PTPRD: variants seen among roughly 807,000 people sequenced by gnomAD.
The protein encoded by PTPRD is receptor-type tyrosine-protein phosphatase delta.
In PTPRD, 34 loss-of-function variants were observed where a neutral mutation model predicts 214.5. The observed-to-expected ratio is 0.16, with a 90% confidence interval of 0.12 to 0.21. The LOEUF (loss-of-function observed/expected upper bound fraction) is 0.21. Ranked by LOEUF, PTPRD falls within the 10% of genes least tolerant of loss-of-function variation. The pLI, the probability that PTPRD is intolerant of heterozygous loss-of-function variation, is 1.00. For synonymous variants in PTPRD, 1,128 were observed against 845.7 expected (o/e 1.33, Z -5.79); for missense variants, 2,545 against 2,398.7 (o/e 1.06, Z -1.27).
In PTPRD at chr9:9,031,239, G is replaced by A. The variant is rs116487939; in HGVS notation, c.-142-12504C>T. On this transcript the variant is annotated intron_variant, in intron 10 of 45. Transcript: ENST00000381196. ...TATTACTAATGCCTGAAAGGTCCTT[G>A]GCACCTAGTAGACTGTCAAATCACA... Among the ~76,000 whole-genome samples, 166 of 151,582 alleles carry A rather than the reference G, an allele frequency of 1.1e-3. 1 individual carries two copies. Among genetic ancestry groups the A allele is most frequent in the African/African-American group, 3.6e-3 (147 of 41,378 alleles).
intron 5 of PTPRD, among the ~76,000 whole-genome samples, chr9:9,896,665 G>A (rs111317582): frequency 0.015 from 2,308 of 152,064 alleles, 59 homozygotes; most frequent in African/African-American, 0.052. Context: ...ATCAGTCTAA[G>A]AAGCTAACTG....
At chr9:9,726,126 A>G (rs2098086097) in intron 7 of PTPRD, among the ~76,000 whole-genome samples, 1 of 152,198 alleles carries the variant, frequency 6.6e-6, no homozygotes, top group South Asian at 2.1e-4. Flanking sequence ...GAACATTGAC[A>G]TTGCTATAAT....
rs532916022 is a variant in PTPRD, at chr9:8,561,409, AC to A, written c.353-32631del. 1.1e-3 allele frequency among the ~76,000 whole-genome samples: 165 copies of A among 151,944 alleles called. 1 individual carries two copies. Among genetic ancestry groups the A allele is most frequent in the African/African-American group, 3.7e-3 (152 of 41,418 alleles). On this transcript the variant is annotated intron_variant, in intron 14 of 45. Coordinates refer to ENST00000381196, the MANE Select transcript of PTPRD (RefSeq NM_002839.4). ...ATAAAATTCTTCTCTGCCCATCCTC[AC>A]CCTTCAACTGTCAGCCTACCCTCAT...
intron 5 of PTPRD, among the ~76,000 whole-genome samples, chr9:9,901,901 G>C (rs756946750): frequency 1.3e-5 from 2 of 152,136 alleles, no homozygotes; most frequent in African/African-American, 4.8e-5. Flanking sequence ...GATCTTGCGA[G>C]AACTCGCTCA....
intron 8 of PTPRD, among the ~76,000 whole-genome samples, chr9:9,437,985 A>C (rs2086004006): frequency 6.6e-6 from 1 of 152,178 alleles, no homozygotes; most frequent in South Asian, 2.1e-4. Flanking sequence ...GTTCCTTGCG[A>C]GGCCTGTGAA....
intron 11 of PTPRD, among the ~76,000 whole-genome samples, chr9:8,935,541 A>G (rs528326915): frequency 6.6e-6 from 1 of 152,248 alleles, no homozygotes; most frequent in South Asian, 2.1e-4. Flanking sequence ...ACCTTTTTTC[A>G]TGCCTTCACA....
intron 35 of PTPRD, among the ~76,000 whole-genome samples, chr9:8,432,480 C>T (rs1478106149): frequency 6.6e-6 from 1 of 152,132 alleles, no homozygotes; most frequent in Non-Finnish European, 1.5e-5. Flanking sequence ...ACAGCTTTCA[C>T]GCCTTTAACC....
intron 44 of PTPRD, among the ~76,000 whole-genome samples, chr9:8,322,772 A>G (rs1296439659): frequency 6.6e-6 from 1 of 152,198 alleles, no homozygotes; most frequent in African/African-American, 2.4e-5. Flanking sequence ...ACATCATTAT[A>G]TTGGAAGAAG....
intron 2 of PTPRD, among the ~76,000 whole-genome samples, chr9:10,410,253 G>GTATATATATA (rs34284610): frequency 0.14 from 17,350 of 126,652 alleles, 1,481 homozygotes; most frequent in Middle Eastern, 0.22. Context: ...CATATTTTGT[G>GTATATATATA]TATATATATA....
intron 2 of PTPRD, among the ~76,000 whole-genome samples, chr9:10,564,748 C>G (rs1432514305): frequency 1.3e-5 from 2 of 152,152 alleles, no homozygotes; most frequent in Admixed American, 1.3e-4. Flanking sequence ...GACTAATTTA[C>G]TGTATTAACT....
chr9:10,308,897 A>G (rs564825586), intron 3 of PTPRD, among the ~76,000 whole-genome samples: 2 of 152,182 alleles, frequency 1.3e-5, no homozygotes, highest in African/African-American at 4.8e-5. Context: ...CCAACTGTTT[A>G]CTATTATAAA....
chr9:9,352,742 C>T (rs1361998145), intron 9 of PTPRD, among the ~76,000 whole-genome samples: 1 of 151,852 alleles, frequency 6.6e-6, no homozygotes, highest in African/African-American at 2.4e-5. Flanking sequence ...GTACCATAGT[C>T]TCAGAACTAT....
In PTPRD at chr9:9,906,706, G is replaced by A. The variant is rs1011003991; in HGVS notation, c.-368+31801C>T. 2.6e-5 allele frequency among the ~76,000 whole-genome samples: 4 copies of A among 151,822 alleles called. No homozygotes were observed. The East Asian group carries it at 7.7e-4, about 29-fold the overall frequency. On this transcript the variant is annotated intron_variant, in intron 5 of 45. Coordinates refer to ENST00000381196, the MANE Select transcript of PTPRD (RefSeq NM_002839.4). ...ATGTATTATATGTAGACAATTCATA[G>A]GAAAGGAAAAACTCAGTATTTTTAA...
intron 2 of PTPRD, among the ~76,000 whole-genome samples, chr9:10,403,827 T>C (rs533828124): frequency 3.4e-4 from 51 of 151,778 alleles, no homozygotes; most frequent in African/African-American, 1.1e-3. Context: ...AGACCAGTGG[T>C]TCTCAGTGAT....
chr9:9,566,215 A>T (rs1478381743), intron 8 of PTPRD, among the ~76,000 whole-genome samples: 1 of 152,020 alleles, frequency 6.6e-6, no homozygotes, highest in South Asian at 2.1e-4. Context: ...TATTTTGAAG[A>T]CTGTTATTAT....
intron 2 of PTPRD, among the ~76,000 whole-genome samples, chr9:10,553,171 T>C (rs1337447673): frequency 1.3e-5 from 2 of 152,072 alleles, no homozygotes; most frequent in East Asian, 1.9e-4. Flanking sequence ...GAGAATGTAG[T>C]AGGATACAGC....
intron 3 of PTPRD, among the ~76,000 whole-genome samples, chr9:10,247,514 T>G: frequency 6.6e-6 from 1 of 152,208 alleles, no homozygotes; most frequent in East Asian, 1.9e-4. Context: ...CCATATTCTC[T>G]AAATACTTTA....
chr9:9,908,541 T>C (rs1053256608), intron 5 of PTPRD, among the ~76,000 whole-genome samples: 6 of 152,048 alleles, frequency 3.9e-5, no homozygotes, highest in African/African-American at 1.4e-4. Context: ...TTAATGTATA[T>C]TATTTCTCAA....
intron 11 of PTPRD, among the ~76,000 whole-genome samples, chr9:8,767,415 C>T (rs1054170415): frequency 6.6e-6 from 1 of 152,150 alleles, no homozygotes; most frequent in African/African-American, 2.4e-5. Flanking sequence ...CCACACCCGG[C>T]GTCCCACATT....
Sources: gnomAD v4.1 joint callset for allele counts (sites outside exome capture counted in the v4.1 genomes callset) on GRCh38, gnomAD v4.1.1 for gene constraint, MANE v1.5 for transcripts, NCBI Gene and HGNC (gene_info 2026-07-23, HGNC 2026-07-21) for gene names.